Variants in KLHL22 observed in about 807,000 individuals in gnomAD.
KLHL22 encodes kelch like family member 22.
KLHL22 carries 18 observed loss-of-function variants against 60.7 expected under a neutral mutation model. The ratio of observed to expected loss-of-function variants is 0.30; its 90% CI spans 0.20 to 0.44. The LOEUF is 0.44. Among genes scored for constraint, KLHL22 ranks in the 20% least tolerant of loss-of-function variants. The pLI is 1.00. For missense variants in KLHL22, 596 were observed against 852.3 expected (o/e 0.70, Z 3.74); for synonymous variants, 355 against 354.5 (o/e 1.00, Z -0.01).
intron 2 of KLHL22, chr22:20,483,955 A>T (rs2053546430): frequency 1.6e-5 from 11 of 679,862 alleles, no homozygotes; most frequent in Non-Finnish European, 2.7e-5. Flanking sequence ...AAGCTGGTGG[A>T]GCGGGACACG....
chr22:20,468,126 A>G (rs566654092), intron 3 of KLHL22, among the ~76,000 whole-genome samples: 1 of 152,314 alleles, frequency 6.6e-6, no homozygotes, highest in African/African-American at 2.4e-5. Flanking sequence ...CTAGGCCCTG[A>G]CCAGCTTCAC....
chr22:20,475,226 T>C (rs1176099407), intron 2 of KLHL22: 1 of 150,246 alleles, frequency 6.7e-6, no homozygotes, highest in Non-Finnish European at 1.5e-5. Context: ...ACTGCAGTAG[T>C]GAGAAGGTGA....
At chr22:20,469,428 C>T (rs1436479447) in intron 3 of KLHL22, among the ~76,000 whole-genome samples, 2 of 152,110 alleles carry the variant, frequency 1.3e-5, no homozygotes, top group Non-Finnish European at 2.9e-5. Flanking sequence ...GACAGCTGGA[C>T]CTGAGCCATG....
intron 5 of KLHL22, chr22:20,451,248 G>A (rs2052972817): frequency 1.2e-6 from 2 of 1,603,734 alleles, no homozygotes; most frequent in Non-Finnish European, 1.7e-6. Flanking sequence ...CCACCACCCT[G>A]GGAGATTTGA....
At chr22:20,479,654 C>A (rs1041958943) in intron 2 of KLHL22, among the ~76,000 whole-genome samples, 1 of 152,110 alleles carries the variant, frequency 6.6e-6, no homozygotes, top group African/African-American at 2.4e-5. Context: ...CATGATGGTG[C>A]CCCTGAACTC....
chr22:20,444,736 C>A (rs1482456253), intron 6 of KLHL22, among the ~76,000 whole-genome samples: 1 of 152,146 alleles, frequency 6.6e-6, no homozygotes, highest in Non-Finnish European at 1.5e-5. Context: ...ATGCCCAGGA[C>A]AAAAGTCACT....
At chr22:20,461,534 CAG>C (rs2053154950) in intron 4 of KLHL22, among the ~76,000 whole-genome samples, 1 of 97,880 alleles carries the variant, frequency 1.0e-5, no homozygotes, top group Admixed American at 1.7e-4. Flanking sequence ...GCCTGGGTGA[CAG>C]AGAGACTCCA....
In KLHL22 at chr22:20,465,722, C is replaced by T. The variant is rs2053224289; in HGVS notation, c.394-146G>A. 1.6e-6 allele frequency: 1 copy of T among 643,898 alleles called. No homozygotes were observed. Among genetic ancestry groups the T allele is most frequent in the African/African-American group, 1.8e-5 (1 of 55,318 alleles). The allele number at this position is 643,898 out of a possible 1,614,324, so 39.9% of individuals were successfully genotyped here. A position where few individuals can be genotyped will look rare whatever the true frequency, so the allele number is the denominator to read the frequency against. Reference sequence around the variant, plus strand: ...CTTAATTGTCCCCGACCTTTTCTGACACACTGGAGACTGGGGCTTACTGCA... The same window carrying T: ...CTTAATTGTCCCCGACCTTTTCTGATACACTGGAGACTGGGGCTTACTGCA... On this transcript the variant is annotated intron_variant, in intron 3 of 6. Coordinates refer to ENST00000328879, the MANE Select transcript of KLHL22 (RefSeq NM_032775.4). This position sits in a 1 kb window ranked among gnomAD's most constrained non-coding sequence, Gnocchi z 4.9.
Position 20,453,824 on chromosome 22 carries a change from T to C in KLHL22, c.1305+3984A>G, listed in dbSNP as rs1899991904. Among the ~76,000 whole-genome samples the C allele has an allele frequency of 1.3e-5, 2 of 152,162 alleles. 1 individual carries two copies. The highest frequency in any genetic ancestry group is 4.8e-5 in the African/African-American group (2 of 41,434). ...ATCTCGGCTCATTGCAACCTCTGCC[T>C]CCTGGGTTCAATCCATTCTTGTGCC... On this transcript the variant is annotated intron_variant, in intron 5 of 6. Transcript: ENST00000328879.
At chr22:20,468,668 T>A (rs959368026) in intron 3 of KLHL22, among the ~76,000 whole-genome samples, 1 of 152,168 alleles carries the variant, frequency 6.6e-6, no homozygotes, top group South Asian at 2.1e-4. Context: ...GAAGCCTGTT[T>A]TTTTTTGTTT....
At position 20,450,887 on chromosome 22, in the gene KLHL22, A is replaced by T; in HGVS notation, c.1306-4211T>A. On this transcript the variant is annotated intron_variant, in intron 5 of 6. Transcript: ENST00000328879. ...AGGGATCTGGTTGATGAAGCAAAGA[A>T]GTTTCATCTGAGGCCTGAACTTCAG... is the stretch of plus-strand genomic sequence containing the variant. 2.5e-6 allele frequency: 4 copies of T among 1,612,568 alleles called. No individual in the cohort carries two copies. The South Asian group carries it at 4.4e-5, about 18-fold the overall frequency.
At chr22:20,464,773 G>C in intron 4 of KLHL22, 85 bp downstream of exon 4, 1 of 812,058 alleles carries the variant, frequency 1.2e-6, no homozygotes, top group Non-Finnish European at 2.0e-6. Context: ...AAGGCTGGGG[G>C]GAACCTGACC....
chr22:20,480,587 T>C (rs1232967898), intron 2 of KLHL22, among the ~76,000 whole-genome samples: 2 of 152,090 alleles, frequency 1.3e-5, no homozygotes, highest in African/African-American at 4.8e-5. Flanking sequence ...CGATCCCTTG[T>C]CCAAACTCTT....
chr22:20,471,516 C>T lies in KLHL22; in HGVS notation c.228-1G>A. 1.2e-6 allele frequency: 2 copies of T among 1,613,168 alleles called. No individual in the cohort carries two copies. The highest frequency in any genetic ancestry group is 8.5e-7 in the Non-Finnish European group (1 of 1,179,452). Reference sequence around the variant, plus strand: ...CTTCAATCCCCCAGCAAACATTCCTCTGCAAAGTGAAGACACAAGAAAATG... The same window carrying T: ...CTTCAATCCCCCAGCAAACATTCCTTTGCAAAGTGAAGACACAAGAAAATG... On this transcript the variant is annotated splice_acceptor_variant, in intron 2 of 6. Coordinates refer to ENST00000328879, the MANE Select transcript of KLHL22 (RefSeq NM_032775.4). LOFTEE classifies it high-confidence loss of function.
At chr22:20,451,396 G>C (rs745800643) in intron 5 of KLHL22, 151 of 1,609,156 alleles carry the variant, frequency 9.4e-5, no homozygotes, top group Non-Finnish European at 1.2e-4. Context: ...GGCCAGTGGA[G>C]TGATCCACTG....
At chr22:20,442,504 G>A (rs2052777984) in intron 6 of KLHL22, 66 bp from the exon 7 acceptor site, 1 of 1,499,838 alleles carries the variant, frequency 6.7e-7, no homozygotes, top group Non-Finnish European at 8.9e-7. Flanking sequence ...TCCCCCACAA[G>A]CCCACTGACC....
rs1601384177 is a variant in KLHL22 at position 20,483,462 on chromosome 22, C to G, written c.227+5523G>C. The stretch of plus-strand genomic sequence containing the variant: ...GGCCTTTTACTTCCTCTTCATGGTT[C>G]TTCTTCATGAAGAGCAGCTCCTCCT... On this transcript the variant is annotated intron_variant, in intron 2 of 6. Coordinates refer to ENST00000328879, the MANE Select transcript of KLHL22 (RefSeq NM_032775.4). 3 of 759,596 alleles carry G rather than the reference C, an allele frequency of 3.9e-6. No homozygotes were observed. In the East Asian group the frequency reaches 7.6e-5, roughly 19 times the overall value. 47.1% of individuals were successfully genotyped at this position (759,596 alleles called of 1,614,324 possible).
intron 1 of KLHL22, chr22:20,489,994 C>A (rs1315874098): frequency 8.4e-6 from 3 of 355,090 alleles, no homozygotes; most frequent in Non-Finnish European, 1.7e-5. Context: ...TGAATTGGAG[C>A]CTCTAAAACC....
chr22:20,458,476 A>T (rs1365988761), intron 4 of KLHL22, among the ~76,000 whole-genome samples: 4 of 133,004 alleles, frequency 3.0e-5, no homozygotes, highest in Non-Finnish European at 6.4e-5. Flanking sequence ...TTTGATAGAG[A>T]CAAGGTCTTG....
Sources: allele counts gnomAD v4.1 joint callset (sites outside exome capture counted in the v4.1 genomes callset), GRCh38; gene constraint gnomAD v4.1.1; non-coding constraint Gnocchi (gnomAD v3.1); transcripts MANE v1.5; gene names NCBI Gene and HGNC (gene_info 2026-07-23, HGNC 2026-07-21).